The following INTS12 variants were observed in gnomAD, a reference collection of about 807,000 sequenced individuals.
The protein encoded by INTS12 is PHD finger protein 22.
A neutral mutation model predicts 41.6 loss-of-function variants in INTS12; 13 were observed. The observed-to-expected ratio is 0.31, with a 90% CI of 0.20 to 0.50. The LOEUF (loss-of-function observed/expected upper bound fraction) is 0.50. Among genes scored for constraint, INTS12 ranks in the 20% least tolerant of loss-of-function variants. The probability of loss-of-function intolerance (pLI) is 0.98; values close to 1 mark genes in which losing one functional copy is unlikely to be tolerated. For synonymous variants in INTS12, 199 were observed against 191.4 expected, an observed-to-expected ratio of 1.04 and a Z score of -0.33; for missense variants, 432 against 541.6, an observed-to-expected ratio of 0.80 and a Z score of 2.01.
chr4:105,692,135 C>T lies in INTS12; in HGVS notation c.498G>A (p.Arg166=). Residue 166 remains arginine (R), a splice_region_variant and synonymous_variant, in exon 6 of 8, where the codon AGG becomes AGA. Coordinates refer to ENST00000340139, the MANE Select transcript of INTS12 (RefSeq NM_020395.4). ...MEMGLACVVC[R]QMMVASGNQL... ...GATTGCCAGATGCCACCATCATTTG[C>T]CTAAGAAAACATACCATTAAACATT... 1 of 1,609,178 alleles carries T rather than the reference C, an allele frequency of 6.2e-7. No individual in the cohort carries two copies.
chr4:105,704,997 G>A (rs1217917171), intron 1 of INTS12, among the ~76,000 whole-genome samples: 1 of 152,060 alleles, frequency 6.6e-6, no homozygotes, highest in African/African-American at 2.4e-5. Context: ...TCACTCACTT[G>A]CTTAAAATCC....
In INTS12 at chr4:105,687,054, G is replaced by A. The variant is rs565022675; in HGVS notation, c.658-216C>T. On this transcript the variant is annotated intron_variant, in intron 6 of 7. Coordinates refer to ENST00000340139, the MANE Select transcript of INTS12 (RefSeq NM_020395.4). ...TTCTAAACAGTAAAGATAATATTAA[G>A]CTTTAGAAATAATACAGAAGAGGGT... 69 of 533,464 alleles carry A rather than the reference G, an allele frequency of 1.3e-4. No individual in the cohort carries two copies. The East Asian group carries it at 2.1e-3, about 16-fold the overall frequency. The allele number at this position is 533,464 out of a possible 1,614,324, so 33.0% of individuals were successfully genotyped here.
intron 6 of INTS12, among the ~76,000 whole-genome samples, chr4:105,688,603 G>C (rs3796924): frequency 6.6e-6 from 1 of 152,220 alleles, no homozygotes; most frequent in East Asian, 1.9e-4. Context: ...ATCCTTCATT[G>C]CAAAACCATG....
chr4:105,688,246 C>A (rs761972211), intron 6 of INTS12, among the ~76,000 whole-genome samples: 1 of 152,074 alleles, frequency 6.6e-6, no homozygotes, highest in Non-Finnish European at 1.5e-5. Context: ...AGATGCTTCC[C>A]GCCAGCCATT....
chr4:105,684,587 C>T (rs947827214), intron 7 of INTS12, among the ~76,000 whole-genome samples: 3 of 151,878 alleles, frequency 2.0e-5, no homozygotes, highest in Non-Finnish European at 2.9e-5. Context: ...AGAAGGAATC[C>T]AGATATTTGT....
chr4:105,690,244 C>A (rs1369911480), intron 6 of INTS12, among the ~76,000 whole-genome samples: 4 of 151,992 alleles, frequency 2.6e-5, no homozygotes, highest in Admixed American at 2.6e-4. Context: ...AAGAGAAGGT[C>A]CATATATGCA....
chr4:105,686,659 T>C, intron 7 of INTS12, 33 bp downstream of exon 7: 1 of 1,524,912 alleles, frequency 6.6e-7, no homozygotes, highest in East Asian at 2.3e-5. Flanking sequence ...AACTTTAAGA[T>C]ATAATCTTAG....
rs1379340063 is a variant in INTS12 at position 105,694,386 on chromosome 4, C to G, written c.310-900G>C. Reference sequence around the variant, plus strand: ...TGTTGCCCAGGCTGGAGTGCAGTGGCACAATCTCTGCTCACTGTAACCTCC... The same window carrying G: ...TGTTGCCCAGGCTGGAGTGCAGTGGGACAATCTCTGCTCACTGTAACCTCC... On this transcript the variant is annotated intron_variant, in intron 4 of 7. Transcript: ENST00000340139. 5.9e-5 allele frequency among the ~76,000 whole-genome samples: 9 copies of G among 152,186 alleles called. No homozygotes were observed. The East Asian group carries it at 1.4e-3, about 23-fold the overall frequency.
chr4:105,701,060 T>G (rs1417347602), intron 2 of INTS12, among the ~76,000 whole-genome samples: 1 of 152,130 alleles, frequency 6.6e-6, no homozygotes, highest in Non-Finnish European at 1.5e-5. Flanking sequence ...CTGTCAGCAA[T>G]TCCACAGTTA....
chr4:105,686,698 T>C lies in INTS12; in HGVS notation c.798A>G (p.Glu266=), dbSNP rs1279417174. The C allele has an allele frequency of 3.1e-6, 5 of 1,610,440 alleles. No homozygotes were observed. The highest frequency in any genetic ancestry group is 1.7e-5 in the Admixed American group (1 of 59,600). Residue 266 remains glutamate, a synonymous_variant, in exon 7 of 8, where the codon GAA becomes GAG. Transcript: ENST00000340139. ...ETTFLAFKRT[E]VKTSTVISGN... ...AAAATAGAATCTACTATACCTTGAC[T>C]TCTGTTCTCTTAAACGCTAGAAAAG... is the stretch of plus-strand genomic sequence containing the variant.
Position 105,695,505 on chromosome 4 carries a change from T to C in INTS12, c.309+11A>G, listed in dbSNP as rs1272424782. ...TTACTTTCTTTTAACAAGATTAAAA[T>C]AAAATCTTACTTTATCAGCAGGTCT... On this transcript the variant is annotated intron_variant, in intron 4 of 7. Transcript: ENST00000340139. 6.3e-7 allele frequency: 1 copy of C among 1,583,136 alleles called. No individual in the cohort carries two copies. The highest frequency in any genetic ancestry group is 1.9e-5 in the Admixed American group (1 of 52,532).
At chr4:105,702,031 G>A (rs2149190897) in intron 2 of INTS12, among the ~76,000 whole-genome samples, 1 of 151,222 alleles carries the variant, frequency 6.6e-6, no homozygotes, top group South Asian at 2.1e-4. Context: ...AACAGGCTTT[G>A]TACCCCTCCC....
chr4:105,684,772 C>A (rs1731445474), intron 7 of INTS12, among the ~76,000 whole-genome samples: 2 of 151,968 alleles, frequency 1.3e-5, no homozygotes, highest in South Asian at 4.2e-4. Flanking sequence ...TATGAAAGAC[C>A]TAATTTTTTT....
rs921401645 is a variant in INTS12 at position 105,703,094 on chromosome 4, T to C, written c.-10+554A>G. 22 of 860,346 alleles carry C rather than the reference T, an allele frequency of 2.6e-5. No individual in the cohort carries two copies. The African/African-American group carries it at 3.3e-4, about 13-fold the overall frequency. 53.3% of individuals were successfully genotyped at this position (860,346 alleles called of 1,614,324 possible). ...ACTTCTATACAATTCCTTTCCTGTA[T>C]ATTCATTCCTAAACCCATGGCCAAA... On this transcript the variant is annotated intron_variant, in intron 2 of 7. Coordinates refer to ENST00000340139, the MANE Select transcript of INTS12 (RefSeq NM_020395.4).
intron 1 of INTS12, among the ~76,000 whole-genome samples, chr4:105,704,222 C>T (rs1438206240): frequency 4.6e-5 from 7 of 152,172 alleles, no homozygotes; most frequent in Non-Finnish European, 7.3e-5. Flanking sequence ...ATGAGTCATT[C>T]GCCGCCTCAG....
At chr4:105,685,830 C>A (rs1731480660) in intron 7 of INTS12, among the ~76,000 whole-genome samples, 1 of 151,996 alleles carries the variant, frequency 6.6e-6, no homozygotes, top group African/African-American at 2.4e-5. Context: ...TTCAAGGATG[C>A]AAACTTAGGA....
intron 4 of INTS12, among the ~76,000 whole-genome samples, chr4:105,694,248 A>C (rs1044535001): frequency 2.0e-5 from 3 of 152,222 alleles, no homozygotes; most frequent in Admixed American, 6.5e-5. Context: ...ATGCATTAAC[A>C]AAGATACATT....
chr4:105,693,299 C>G lies in INTS12; in HGVS notation c.497G>C (p.Arg166Thr). 1.9e-6 allele frequency: 3 copies of G among 1,581,200 alleles called. No individual in the cohort carries two copies. The highest frequency in any genetic ancestry group is 2.6e-6 in the Non-Finnish European group (3 of 1,156,948). Residue 166 changes from arginine (R) to threonine (T), a missense_variant and splice_region_variant, in exon 5 of 8, where the codon AGG becomes ACG. This residue lies in a region of INTS12 where 168 missense variants were observed against 198.9 expected (regional missense o/e 0.84). Coordinates refer to ENST00000340139, the MANE Select transcript of INTS12 (RefSeq NM_020395.4). The stretch of plus-strand genomic sequence containing the variant: ...GAATCTGTGGCAAGGTACAACTTAC[C>G]TACAAACAACGCAGGCCAATCCCAT... ...MEMGLACVVC[R>T]QMMVASGNQL...
chr4:105,683,384 G>T, intron 7 of INTS12, 67 bp from the exon 8 acceptor site: 1 of 1,144,138 alleles, frequency 8.7e-7, no homozygotes, highest in Non-Finnish European at 1.2e-6. Flanking sequence ...AACATCCCAA[G>T]TTATGAATTG....
Sources: gnomAD v4.1 joint callset for allele counts (sites outside exome capture counted in the v4.1 genomes callset) on GRCh38, gnomAD v4.1.1 for gene constraint, gnomAD v4.1.1 regional missense constraint, MANE v1.5 for transcripts, NCBI Gene and HGNC (gene_info 2026-07-23, HGNC 2026-07-21) for gene names.